The following DOK7 variants were observed in gnomAD, a reference collection of about 807,000 sequenced individuals.
The protein encoded by DOK7 is docking protein 7.
A neutral mutation model predicts 30.7 loss-of-function variants in DOK7; 32 were observed. The observed-to-expected ratio is 1.04, with a 90% confidence interval of 0.79 to 1.40. The LOEUF (loss-of-function observed/expected upper bound fraction) is 1.40, where lower values mean the gene tolerates loss of function less well. Among genes scored for constraint, DOK7 ranks in the 40% most tolerant of loss-of-function variants. The pLI is 0.00. For synonymous variants in DOK7, 447 were observed against 324.1 expected (o/e 1.38, Z -4.07); for missense variants, 1,007 against 699.2 (o/e 1.44, Z -4.97).
intron 2 of DOK7, among the ~76,000 whole-genome samples, chr4:3,471,683 C>T (rs960887815): frequency 6.6e-6 from 1 of 152,234 alleles, no homozygotes; most frequent in African/African-American, 2.4e-5. Flanking sequence ...CGGCGAATTC[C>T]GATTACGCCG....
chr4:3,486,376 G>A (rs927597409), intron 5 of DOK7, among the ~76,000 whole-genome samples: 7 of 152,256 alleles, frequency 4.6e-5, no homozygotes, highest in Non-Finnish European at 1.0e-4. Flanking sequence ...TTGACCCAAC[G>A]TCCAAGTGAG....
intron 6 of DOK7, among the ~76,000 whole-genome samples, chr4:3,491,421 T>C (rs558227623): frequency 6.0e-4 from 44 of 73,936 alleles, no homozygotes; most frequent in African/African-American, 1.7e-3. Context: ...CTTCTTTCCT[T>C]CTTCCCCTGC....
At chr4:3,473,168 G>A (rs926078269) in intron 2 of DOK7, among the ~76,000 whole-genome samples, 2 of 152,254 alleles carry the variant, frequency 1.3e-5, no homozygotes, top group Non-Finnish European at 2.9e-5. Context: ...AGCGTCGGGG[G>A]CTGGGCACAG....
chr4:3,500,371 T>A (rs981829036), exon 7 of DOK7: 1 of 1,535,848 alleles, frequency 6.5e-7, no homozygotes, highest in South Asian at 1.2e-5. Context: ...TACATGGGCC[T>A]GGAGCTCCAG....
In DOK7 at chr4:3,493,818, C is replaced by A; in HGVS notation, c.*317C>A. 4.7e-6 allele frequency: 6 copies of A among 1,263,740 alleles called. No individual in the cohort carries two copies. Among genetic ancestry groups the A allele is most frequent in the Middle Eastern group, 3.1e-4 (1 of 3,232 alleles). The allele number at this position is 1,263,740 out of a possible 1,614,324, so 78.3% of individuals were successfully genotyped here. On this transcript the variant is annotated 3_prime_UTR_variant, in exon 7 of 7. Coordinates refer to ENST00000340083, the MANE Select transcript of DOK7 (RefSeq NM_173660.5). ...AGTGCTGCACCTCTGTTGGCTCGTGCCTTGCACTGGGGTGCCAAGGGCTGG... is the reference window on the plus strand; with the variant it reads ...AGTGCTGCACCTCTGTTGGCTCGTGACTTGCACTGGGGTGCCAAGGGCTGG...
At position 3,490,123 on chromosome 4, in the gene DOK7, TTCTCCCTGCTCATTCATTC is replaced by T. The variant is rs1560225791; in HGVS notation, c.772+328_772+346del. Among the ~76,000 whole-genome samples the T allele has an allele frequency of 1.1e-4, 13 of 120,816 alleles. 2 individuals carry two copies. Among genetic ancestry groups the T allele is most frequent in the Admixed American group, 9.1e-5 (1 of 10,964 alleles). The allele number at this position is 120,816 out of a possible 152,430, so 79.3% of individuals were successfully genotyped here. On this transcript the variant is annotated intron_variant, in intron 6 of 6. Coordinates refer to ENST00000340083, the MANE Select transcript of DOK7 (RefSeq NM_173660.5). Reference sequence around the variant, plus strand: ...CTTTCTTCACCCCCATTCATTCCTTTTCTCCCTGCTCATTCATTCCTTCCTTCCCCACCCTGCTCATTCA... The same window carrying T: ...CTTTCTTCACCCCCATTCATTCCTTTCTTCCTTCCCCACCCTGCTCATTCA...
intron 2 of DOK7, among the ~76,000 whole-genome samples, chr4:3,469,282 TTCC>T (rs1456003876): frequency 6.6e-6 from 1 of 152,108 alleles, no homozygotes; most frequent in African/African-American, 2.4e-5. Flanking sequence ...CTGGTGCCTC[TTCC>T]TCGTTTGTCT....
At chr4:3,494,851 T>C (rs986956391), downstream of DOK7, among the ~76,000 whole-genome samples, 1 of 152,096 alleles carries the variant, frequency 6.6e-6, no homozygotes, top group Non-Finnish European at 1.5e-5. Flanking sequence ...CCTGCCTGTC[T>C]CCCCTACATG....
chr4:3,479,965 C>T (rs1195153873), intron 4 of DOK7, among the ~76,000 whole-genome samples: 1 of 152,248 alleles, frequency 6.6e-6, no homozygotes, highest in African/African-American at 2.4e-5. Context: ...AGGCTCCAGC[C>T]TCACACACGG....
At chr4:3,500,959 C>A in exon 8 of DOK7, 1 of 1,343,474 alleles carries the variant, frequency 7.4e-7, no homozygotes, top group Non-Finnish European at 9.8e-7. Flanking sequence ...CATGGCCGGT[C>A]TCCGGGCCAT....
chr4:3,490,420 C>CTCATTCATTCCTTTCTTCT (rs1728230024), intron 6 of DOK7, among the ~76,000 whole-genome samples: 1 of 18,888 alleles, frequency 5.3e-5, no homozygotes, highest in Non-Finnish European at 1.1e-4. Context: ...CCCCCCACCG[C>CTCATTCATTCCTTTCTTCT]CCCGCTCATT....
Position 3,493,318 on chromosome 4 carries a change from T to G in DOK7, c.1332T>G (p.Ser444=), listed in dbSNP as rs747896627. 10 of 1,604,236 alleles carry G rather than the reference T, an allele frequency of 6.2e-6. No individual in the cohort carries two copies. Among genetic ancestry groups the G allele is most frequent in the Non-Finnish European group, 7.7e-6 (9 of 1,175,776 alleles). Reference sequence around the variant, plus strand: ...GCCAGACGTCCGCCGGGTGTCCCTCTGGCTGGCTGGGCACGAGACGGCGGG... The same window carrying G: ...GCCAGACGTCCGCCGGGTGTCCCTCGGGCTGGCTGGGCACGAGACGGCGGG... ...SGGQTSAGCP[S]GWLGTRRRGL... Residue 444 remains serine, a synonymous_variant, in exon 7 of 7, where the codon TCT becomes TCG. Coordinates refer to ENST00000340083, the MANE Select transcript of DOK7 (RefSeq NM_173660.5).
chr4:3,500,331 G>A (rs1348795476), exon 7 of DOK7: 59 of 1,535,786 alleles, frequency 3.8e-5, no homozygotes, highest in Admixed American at 1.8e-4. Context: ...GAACATCCCC[G>A]TCAGCCCATC....
At chr4:3,474,148 G>T (rs965710179) in intron 3 of DOK7, among the ~76,000 whole-genome samples, 2 of 152,180 alleles carry the variant, frequency 1.3e-5, no homozygotes, top group African/African-American at 2.4e-5. Flanking sequence ...CTTCGAATGG[G>T]TGCCTGGGGG....
chr4:3,494,283 C>A lies in DOK7; in HGVS notation c.*782C>A. On this transcript the variant is annotated 3_prime_UTR_variant, in exon 7 of 7. Coordinates refer to ENST00000340083, the MANE Select transcript of DOK7 (RefSeq NM_173660.5). ...TGGCCTGTGTTTCCCCTGGCCCAGG[C>A]CTCAGCCCCTGCGTCGGAGGTGGGG... 1.0e-6 allele frequency: 1 copy of A among 985,636 alleles called. No individual in the cohort carries two copies. The highest frequency in any genetic ancestry group is 1.2e-6 in the Non-Finnish European group (1 of 830,080). The allele number at this position is 985,636 out of a possible 1,614,324, so 61.1% of individuals were successfully genotyped here.
intron 4 of DOK7, among the ~76,000 whole-genome samples, chr4:3,477,710 C>G (rs142671428): frequency 6.6e-6 from 1 of 152,168 alleles, no homozygotes; most frequent in Non-Finnish European, 1.5e-5. Flanking sequence ...GGCCCGGAGT[C>G]TCGGCCCCTG....
chr4:3,480,888 A>T (rs1727404734), intron 4 of DOK7, among the ~76,000 whole-genome samples: 1 of 151,998 alleles, frequency 6.6e-6, no homozygotes, highest in South Asian at 2.1e-4. Flanking sequence ...AGAGGGTGCG[A>T]GGGGAGCCAG....
chr4:3,473,864 G>A (rs1004333339), intron 3 of DOK7, among the ~76,000 whole-genome samples: 1 of 152,180 alleles, frequency 6.6e-6, no homozygotes, highest in Non-Finnish European at 1.5e-5. Flanking sequence ...TAGCCTGACC[G>A]TTAGTTACAA....
chr4:3,489,589 A>G (rs1440118236), intron 5 of DOK7, 88 bp from the exon 6 acceptor site: 10 of 1,545,452 alleles, frequency 6.5e-6, no homozygotes, highest in Non-Finnish European at 8.7e-6. Flanking sequence ...AGAGGGGGAT[A>G]ACCACTGAGT....
Sources: allele counts gnomAD v4.1 joint callset (sites outside exome capture counted in the v4.1 genomes callset), GRCh38; gene constraint gnomAD v4.1.1; transcripts MANE v1.5; gene names NCBI Gene and HGNC (gene_info 2026-07-23, HGNC 2026-07-21).